Variants in UNC13C observed in about 807,000 individuals in gnomAD.
The protein encoded by UNC13C is unc-13 homolog C, also known as protein unc-13 homolog C.
A neutral mutation model predicts 245.4 loss-of-function variants in UNC13C; 174 were observed. The ratio of observed to expected loss-of-function variants is 0.71; its 90% CI spans 0.63 to 0.80. The LOEUF (loss-of-function observed/expected upper bound fraction) is 0.80. Among genes scored for constraint, UNC13C ranks in the 30% least tolerant of loss-of-function variants. The pLI, the probability that UNC13C is intolerant of heterozygous loss-of-function variation, is 0.00. For synonymous variants in UNC13C, 992 were observed against 895.1 expected (o/e 1.11, Z -1.93); for missense variants, 2,829 against 2,602.9 (o/e 1.09, Z -1.89).
At chr15:53,898,203 C>T in the UNC13C span, among the ~76,000 whole-genome samples, 1 of 147,292 alleles carries the variant, frequency 6.8e-6, no homozygotes, top group Non-Finnish European at 1.5e-5. Flanking sequence ...ACAACCACCA[C>T]CACCATCATC....
rs368538981 is a variant in UNC13C at position 54,102,738 on chromosome 15, C to T, written c.2984-40280C>T. Among the ~76,000 whole-genome samples, 7 of 152,354 alleles carry T rather than the reference C, an allele frequency of 4.6e-5. No homozygotes were observed. In the East Asian group the frequency reaches 5.8e-4, roughly 13 times the overall value. ...ATGAAATGCTGTCTTTCTTCCTCTGCGTCTCTCTTTAGCCATATTTCCCTG... is the reference window on the plus strand; with the variant it reads ...ATGAAATGCTGTCTTTCTTCCTCTGTGTCTCTCTTTAGCCATATTTCCCTG... On this transcript the variant is annotated intron_variant, in intron 2 of 32. Coordinates refer to ENST00000260323, the MANE Select transcript of UNC13C (RefSeq NM_001080534.3).
chr15:54,604,610 G>A (rs749968910), intron 30 of UNC13C, among the ~76,000 whole-genome samples: 2 of 152,156 alleles, frequency 1.3e-5, no homozygotes, highest in Non-Finnish European at 2.9e-5. Context: ...ACCTCTGTGA[G>A]GCCAGAATCC....
the UNC13C span, among the ~76,000 whole-genome samples, chr15:53,905,678 G>A: frequency 6.6e-6 from 1 of 152,128 alleles, no homozygotes; most frequent in Non-Finnish European, 1.5e-5. Context: ...TGTGTAGGAT[G>A]AGTAAGTTCT....
the UNC13C span, among the ~76,000 whole-genome samples, chr15:53,955,068 TGTTCAGTAGC>T: frequency 6.6e-6 from 1 of 152,326 alleles, no homozygotes; most frequent in South Asian, 2.1e-4. Context: ...GGAACATAGA[TGTTCAGTAGC>T]ATAAGTGCCA....
intron 4 of UNC13C, among the ~76,000 whole-genome samples, chr15:54,191,996 G>C (rs1226634021): frequency 6.6e-6 from 1 of 152,028 alleles, no homozygotes; most frequent in African/African-American, 2.4e-5. Context: ...CCATTCTGTA[G>C]GTTGCCTATC....
rs1472939135 is a variant in UNC13C at position 54,414,982 on chromosome 15, G to T, written c.4848G>T (p.Gln1616His). The T allele has an allele frequency of 2.5e-6, 4 of 1,611,244 alleles. No homozygotes were observed. The African/African-American group carries it at 4.0e-5, about 16-fold the overall frequency. Residue 1616 changes from glutamine to histidine, a missense_variant and splice_region_variant, in exon 19 of 33, where the codon CAG (glutamine) becomes CAT (histidine). Transcript: ENST00000260323. ...ACTAATACAATGTGTTTGGTTTTAG[G>T]TTTCCTCAAGAGCTGAACATGGGAA... ...DKTAYTPVLN[Q>H]FPQELNMGKI... is the part of the protein sequence containing the mutation.
At chr15:54,585,077 A>G (rs750154186) in intron 30 of UNC13C, among the ~76,000 whole-genome samples, 39 of 152,238 alleles carry the variant, frequency 2.6e-4, no homozygotes, top group Non-Finnish European at 4.9e-4. Flanking sequence ...AATGAAGTCT[A>G]ATAGAACCTC....
intron 5 of UNC13C, 32 bp from the exon 6 acceptor site, chr15:54,236,398 A>G: frequency 6.4e-7 from 1 of 1,567,434 alleles, no homozygotes; most frequent in Non-Finnish European, 8.7e-7. Flanking sequence ...AATTATTTAC[A>G]TTTTGTTTCC....
At chr15:54,216,802 G>A (rs1010702552) in intron 4 of UNC13C, among the ~76,000 whole-genome samples, 6 of 151,948 alleles carry the variant, frequency 3.9e-5, no homozygotes, top group African/African-American at 1.4e-4. Context: ...TTGTTCCGCT[G>A]AGGGTAATTT....
At chr15:54,562,993 T>C (rs1383655222) in intron 29 of UNC13C, among the ~76,000 whole-genome samples, 2 of 152,032 alleles carry the variant, frequency 1.3e-5, no homozygotes, top group Non-Finnish European at 1.5e-5. Flanking sequence ...ACTTATGAAA[T>C]CATGTTGAAT....
At chr15:54,534,440 C>A (rs186449864) in intron 26 of UNC13C, among the ~76,000 whole-genome samples, 11 of 152,242 alleles carry the variant, frequency 7.2e-5, no homozygotes, top group Non-Finnish European at 1.0e-4. Flanking sequence ...ACTATTCGAA[C>A]AACAGCAACT....
At position 54,003,973 on chromosome 15, in the gene UNC13C, A is replaced by T. The variant is rs148931320; in HGVS notation, c.-256-8675A>T. Among the ~76,000 whole-genome samples the T allele has an allele frequency of 4.0e-3, 614 of 152,266 alleles. 23 individuals are homozygous for T. In the East Asian group the frequency reaches 0.11, roughly 27 times the overall value. On this transcript the variant is annotated intron_variant, in intron 1 of 32. Transcript: ENST00000260323. Reference sequence around the variant, plus strand: ...TTGCAGTGAGCCGAGATCCTGCCACAGCACTCCAGCCTGGGCGACAGAGTG... The same window carrying T: ...TTGCAGTGAGCCGAGATCCTGCCACTGCACTCCAGCCTGGGCGACAGAGTG...
the UNC13C span, among the ~76,000 whole-genome samples, chr15:53,960,325 T>C: frequency 6.7e-6 from 1 of 149,692 alleles, no homozygotes; most frequent in African/African-American, 2.5e-5. Flanking sequence ...ATGTATATAA[T>C]CTATATCATG....
intron 30 of UNC13C, among the ~76,000 whole-genome samples, chr15:54,596,083 T>A (rs1899065506): frequency 6.6e-6 from 1 of 152,112 alleles, no homozygotes; most frequent in African/African-American, 2.4e-5. Flanking sequence ...GTATTTTTGG[T>A]CCAAAACCCA....
intron 2 of UNC13C, among the ~76,000 whole-genome samples, chr15:54,033,521 T>A (rs4459494): frequency 0.022 from 3,281 of 152,176 alleles, 118 homozygotes; most frequent in South Asian, 0.12. Context: ...CCAGCAAAAT[T>A]TTATATACAC....
chr15:54,236,387 T>C lies in UNC13C; in HGVS notation c.3151-43T>C, dbSNP rs770789382. 4.6e-6 allele frequency: 7 copies of C among 1,518,632 alleles called. No homozygotes were observed. In the East Asian group the frequency reaches 1.6e-4, roughly 34 times the overall value. 94.1% of individuals were successfully genotyped at this position (1,518,632 alleles called of 1,614,324 possible). ...ACTCTTTTCCTACCTTTCATGTATC[T>C]AATTATTTACATTTTGTTTCCTCTC... On this transcript the variant is annotated intron_variant, in intron 5 of 32. Coordinates refer to ENST00000260323, the MANE Select transcript of UNC13C (RefSeq NM_001080534.3).
intron 18 of UNC13C, among the ~76,000 whole-genome samples, chr15:54,407,777 A>C (rs1048271401): frequency 6.6e-6 from 1 of 152,190 alleles, no homozygotes; most frequent in African/African-American, 2.4e-5. Flanking sequence ...GGACTACTAC[A>C]TAAAATATGA....
At chr15:53,918,372 T>C in the UNC13C span, among the ~76,000 whole-genome samples, 1 of 152,026 alleles carries the variant, frequency 6.6e-6, no homozygotes, top group African/African-American at 2.4e-5. Context: ...TTTTTCTCAC[T>C]CTCTTATCAC....
At chr15:54,510,337 G>T (rs970412695) in intron 23 of UNC13C, among the ~76,000 whole-genome samples, 2 of 152,010 alleles carry the variant, frequency 1.3e-5, no homozygotes, top group Admixed American at 6.6e-5. Flanking sequence ...GAAAAGATAG[G>T]CTATTGGCTT....
Sources: allele counts gnomAD v4.1 joint callset (sites outside exome capture counted in the v4.1 genomes callset), GRCh38; gene constraint gnomAD v4.1.1; transcripts MANE v1.5; gene names NCBI Gene and HGNC (gene_info 2026-07-23, HGNC 2026-07-21).